Variants in CNTN4 observed in about 807,000 individuals in gnomAD.
CNTN4 encodes contactin-4.
Under a neutral mutation model 122.5 loss-of-function variants are expected in CNTN4, and 77 were observed. The observed-to-expected ratio is 0.63, with a 90% CI of 0.52 to 0.76. CNTN4 has a LOEUF of 0.76. Among genes scored for constraint, CNTN4 ranks in the 30% least tolerant of loss-of-function variants. The probability of loss-of-function intolerance (pLI) is 0.00; values close to 1 mark genes in which losing one functional copy is unlikely to be tolerated. For synonymous variants in CNTN4, 512 were observed against 447.0 expected, an observed-to-expected ratio of 1.15 and a Z score of -1.83; for missense variants, 1,256 against 1,259.1, an observed-to-expected ratio of 1.00 and a Z score of 0.04.
chr3:3,011,345 C>T (rs1219477835), intron 14 of CNTN4, among the ~76,000 whole-genome samples: 1 of 152,118 alleles, frequency 6.6e-6, no homozygotes, highest in East Asian at 1.9e-4. Context: ...TTTAGTTATT[C>T]ACCGGTTATT....
intron 3 of CNTN4, among the ~76,000 whole-genome samples, chr3:2,349,261 C>G (rs1327623262): frequency 6.6e-6 from 1 of 151,692 alleles, no homozygotes; most frequent in Non-Finnish European, 1.5e-5. Context: ...TTCACATGAC[C>G]TTCTGAAGCC....
At chr3:2,190,879 C>A (rs1036824512) in intron 2 of CNTN4, among the ~76,000 whole-genome samples, 1 of 151,418 alleles carries the variant, frequency 6.6e-6, no homozygotes, top group Non-Finnish European at 1.5e-5. Flanking sequence ...ACACACACAC[C>A]ACTACCTTAG....
At chr3:2,515,575 A>G (rs567303064) in intron 3 of CNTN4, among the ~76,000 whole-genome samples, 72 of 152,278 alleles carry the variant, frequency 4.7e-4, no homozygotes, top group African/African-American at 1.7e-3. Flanking sequence ...GAAACATGAG[A>G]TAGGAAAAAT....
At chr3:3,008,219 G>A (rs1035136623) in intron 14 of CNTN4, among the ~76,000 whole-genome samples, 1 of 151,990 alleles carries the variant, frequency 6.6e-6, no homozygotes, top group African/African-American at 2.4e-5. Flanking sequence ...CTTTTTTATG[G>A]CCAGTTTAGG....
intron 3 of CNTN4, among the ~76,000 whole-genome samples, chr3:2,349,928 A>T (rs2044543889): frequency 6.6e-6 from 1 of 152,158 alleles, no homozygotes; most frequent in Non-Finnish European, 1.5e-5. Flanking sequence ...GAACAGGATG[A>T]AATAGCATAC....
chr3:2,267,971 C>G (rs911472945), intron 2 of CNTN4, among the ~76,000 whole-genome samples: 6 of 151,958 alleles, frequency 3.9e-5, no homozygotes, highest in African/African-American at 9.7e-5. Context: ...TGATCATATT[C>G]TGGATATATG....
chr3:2,451,204 C>G (rs1346201387), intron 3 of CNTN4, among the ~76,000 whole-genome samples: 1 of 152,018 alleles, frequency 6.6e-6, no homozygotes, highest in East Asian at 1.9e-4. Context: ...ATATTATTAT[C>G]CAGATATGGT....
intron 4 of CNTN4, among the ~76,000 whole-genome samples, chr3:2,632,442 C>T (rs908849753): frequency 5.3e-5 from 8 of 152,010 alleles, no homozygotes; most frequent in Non-Finnish European, 1.0e-4. Context: ...TCATGTTGTA[C>T]GTAAAATATA....
intron 4 of CNTN4, among the ~76,000 whole-genome samples, chr3:2,604,531 G>A (rs1478803665): frequency 6.6e-6 from 1 of 152,090 alleles, no homozygotes; most frequent in Non-Finnish European, 1.5e-5. Flanking sequence ...CTAAGAGGAA[G>A]AATAAAGTAG....
At chr3:2,499,744 A>G (rs2076546590) in intron 3 of CNTN4, among the ~76,000 whole-genome samples, 1 of 152,102 alleles carries the variant, frequency 6.6e-6, no homozygotes, top group Non-Finnish European at 1.5e-5. Flanking sequence ...TAAATTTTAA[A>G]GTAAGTTTTA....
intron 2 of CNTN4, among the ~76,000 whole-genome samples, chr3:2,172,630 C>T (rs1301277640): frequency 6.6e-6 from 1 of 152,170 alleles, no homozygotes; most frequent in Non-Finnish European, 1.5e-5. Context: ...AGTAGACTGA[C>T]ATTCTTTTCG....
At chr3:2,496,762 A>G (rs34771152) in intron 3 of CNTN4, among the ~76,000 whole-genome samples, 20,002 of 152,206 alleles carry the variant, frequency 0.13, 1,423 homozygotes, top group Middle Eastern at 0.17. Context: ...AATATGTGAT[A>G]TGGGTAATAA....
At chr3:2,319,478 C>T (rs2043210811) in intron 2 of CNTN4, among the ~76,000 whole-genome samples, 1 of 152,164 alleles carries the variant, frequency 6.6e-6, no homozygotes, top group Admixed American at 6.5e-5. Context: ...TCTTTCACCT[C>T]TGTCACCCCA....
intron 6 of CNTN4, among the ~76,000 whole-genome samples, chr3:2,808,014 A>T (rs1393527652): frequency 6.6e-6 from 1 of 152,220 alleles, no homozygotes; most frequent in Non-Finnish European, 1.5e-5. Flanking sequence ...GAGACATCGT[A>T]TCCACTACCA....
chr3:2,421,266 T>TA (rs2047606347), intron 3 of CNTN4, among the ~76,000 whole-genome samples: 2 of 150,812 alleles, frequency 1.3e-5, no homozygotes, highest in South Asian at 4.2e-4. Context: ...TTTTTTTTTT[T>TA]CCTTGACTAG....
At chr3:2,487,863 A>G (rs1052204102) in intron 3 of CNTN4, among the ~76,000 whole-genome samples, 1 of 152,242 alleles carries the variant, frequency 6.6e-6, no homozygotes, top group African/African-American at 2.4e-5. Flanking sequence ...TTTTCGCAGT[A>G]ACAAATGACA....
intron 14 of CNTN4, among the ~76,000 whole-genome samples, chr3:3,014,063 C>CACACAT (rs1697498341): frequency 6.6e-6 from 1 of 151,458 alleles, no homozygotes; most frequent in Non-Finnish European, 1.5e-5. Flanking sequence ...CACACACACA[C>CACACAT]ACACACACAC....
intron 3 of CNTN4, among the ~76,000 whole-genome samples, chr3:2,461,900 C>G (rs1170978829): frequency 6.6e-6 from 1 of 152,158 alleles, no homozygotes; most frequent in Non-Finnish European, 1.5e-5. Flanking sequence ...TCTAACTCAG[C>G]CTGTCTAGTG....
chr3:2,261,524 A>T (rs968212131), intron 2 of CNTN4, among the ~76,000 whole-genome samples: 3 of 152,156 alleles, frequency 2.0e-5, no homozygotes. Context: ...AGATGTGAGC[A>T]TTCTCTATGT....
Sources: allele counts gnomAD v4.1 joint callset (sites outside exome capture counted in the v4.1 genomes callset), GRCh38; gene constraint gnomAD v4.1.1; transcripts MANE v1.5; gene names NCBI Gene and HGNC (gene_info 2026-07-23, HGNC 2026-07-21).